The following WWP2 variants were observed in gnomAD, a reference collection of about 807,000 sequenced individuals.
The protein encoded by WWP2 is NEDD4-like E3 ubiquitin-protein ligase WWP2.
A neutral mutation model predicts 121.0 loss-of-function variants in WWP2; 57 were observed. The ratio of observed to expected loss-of-function variants is 0.47; its 90% CI spans 0.38 to 0.59. The LOEUF (loss-of-function observed/expected upper bound fraction) is 0.59. Among genes scored for constraint, WWP2 ranks in the 20% least tolerant of loss-of-function variants. The probability of loss-of-function intolerance (pLI) is 0.00; values close to 1 mark genes in which losing one functional copy is unlikely to be tolerated. For missense variants in WWP2, 962 were observed against 1,158.9 expected, an observed-to-expected ratio of 0.83 and a Z score of 2.47; for synonymous variants, 449 against 441.3, an observed-to-expected ratio of 1.02 and a Z score of -0.22.
At chr16:69,896,414 C>T (rs1338877272) in intron 8 of WWP2, among the ~76,000 whole-genome samples, 1 of 152,120 alleles carries the variant, frequency 6.6e-6, no homozygotes, top group Non-Finnish European at 1.5e-5. Flanking sequence ...AACCACCGTG[C>T]CCATCCTTAC....
At position 69,807,179 on chromosome 16, in the gene WWP2, G is replaced by A. The variant is rs534387553; in HGVS notation, c.340+7884G>A. Among the ~76,000 whole-genome samples, 6 of 151,872 alleles carry A rather than the reference G, an allele frequency of 4.0e-5. No homozygotes were observed. The South Asian group carries it at 1.0e-3, about 26-fold the overall frequency. ...AAATAGCTGGTAGCTGGGGTTACAG[G>A]CACACGTCACCATGCCCGGCTAATT... On this transcript the variant is annotated intron_variant, in intron 4 of 23. Coordinates refer to ENST00000359154, the MANE Select transcript of WWP2 (RefSeq NM_001270454.2).
intron 7 of WWP2, among the ~76,000 whole-genome samples, chr16:69,872,762 G>C (rs2057664282): frequency 6.6e-6 from 1 of 152,230 alleles, no homozygotes; most frequent in Non-Finnish European, 1.5e-5. Context: ...CCCCATTTGA[G>C]AGGAGACAGT....
At chr16:69,869,247 C>T (rs2057586436) in intron 6 of WWP2, among the ~76,000 whole-genome samples, 2 of 152,076 alleles carry the variant, frequency 1.3e-5, no homozygotes, top group South Asian at 4.2e-4. Context: ...AAAGAGAGTC[C>T]ACATTGAGTA....
intron 7 of WWP2, among the ~76,000 whole-genome samples, chr16:69,881,588 T>G (rs1168428128): frequency 6.6e-6 from 1 of 152,246 alleles, no homozygotes; most frequent in African/African-American, 2.4e-5. Flanking sequence ...GATAGTATTA[T>G]TAAGGGAAAC....
intron 4 of WWP2, among the ~76,000 whole-genome samples, chr16:69,821,122 A>G (rs1450784540): frequency 6.6e-6 from 1 of 152,130 alleles, no homozygotes; most frequent in Non-Finnish European, 1.5e-5. Flanking sequence ...AGGCTTTGGG[A>G]TTTCAGGCTG....
chr16:69,898,533 T>C (rs1401416372), intron 8 of WWP2, among the ~76,000 whole-genome samples: 1 of 152,238 alleles, frequency 6.6e-6, no homozygotes, highest in African/African-American at 2.4e-5. Context: ...TGGTACATCT[T>C]TGAGGATTCA....
intron 9 of WWP2, among the ~76,000 whole-genome samples, chr16:69,914,071 CAAAAAAAAA>C (rs34269202): frequency 2.2e-4 from 7 of 32,206 alleles, no homozygotes; most frequent in South Asian, 3.2e-3. Flanking sequence ...GACTCTGTCT[CAAAAAAAAA>C]AAAAAAAAAA....
rs925334891 is a variant in WWP2, at chr16:69,863,565, G to T, written c.576-8239G>T. ...GAGGCAGGAGAATTGCTTGAACCTGGTGGGGGCAGAGGTTGTAGTGAGCCG... is the reference window on the plus strand; with the variant it reads ...GAGGCAGGAGAATTGCTTGAACCTGTTGGGGGCAGAGGTTGTAGTGAGCCG... On this transcript the variant is annotated intron_variant, in intron 6 of 23. Coordinates refer to ENST00000359154, the MANE Select transcript of WWP2 (RefSeq NM_001270454.2). 6.6e-5 allele frequency among the ~76,000 whole-genome samples: 10 copies of T among 152,218 alleles called. No individual in the cohort carries two copies. In the East Asian group the frequency reaches 9.7e-4, roughly 15 times the overall value.
Position 69,939,949 on chromosome 16 carries a change from G to A in WWP2, c.*9G>A, listed in dbSNP as rs767373799. The A allele has an allele frequency of 1.1e-5, 18 of 1,609,758 alleles. No homozygotes were observed. The highest frequency in any genetic ancestry group is 4.5e-5 in the East Asian group (2 of 44,822). ...GCTTTGGACAGGAGTAACCGAGGCC[G>A]CCCCTCCCACGCCCCCCAGCGCACA... On this transcript the variant is annotated 3_prime_UTR_variant, in exon 24 of 24. Transcript: ENST00000359154.
intron 4 of WWP2, among the ~76,000 whole-genome samples, chr16:69,832,545 T>C (rs1021506563): frequency 6.6e-6 from 1 of 152,184 alleles, no homozygotes; most frequent in African/African-American, 2.4e-5. Context: ...TTTTAAAAAA[T>C]TTTTAATGTT....
At chr16:69,932,793 C>T (rs903338205) in intron 16 of WWP2, among the ~76,000 whole-genome samples, 2 of 152,234 alleles carry the variant, frequency 1.3e-5, no homozygotes, top group African/African-American at 4.8e-5. Context: ...CACCCTGGTC[C>T]ACCCATAAAA....
intron 1 of WWP2, among the ~76,000 whole-genome samples, chr16:69,769,101 G>T (rs1186613887): frequency 1.3e-5 from 2 of 152,142 alleles, no homozygotes; most frequent in East Asian, 3.9e-4. Flanking sequence ...GGTGGATCAT[G>T]AGGTCAGGAG....
intron 17 of WWP2, 79 bp downstream of exon 17, chr16:69,934,208 C>A: frequency 2.6e-6 from 4 of 1,538,024 alleles, no homozygotes; most frequent in Non-Finnish European, 2.7e-6. Context: ...GTGCCAGGGG[C>A]ACCAGGGGAA....
At chr16:69,849,544 A>C (rs193107126) in intron 6 of WWP2, among the ~76,000 whole-genome samples, 3 of 152,078 alleles carry the variant, frequency 2.0e-5, no homozygotes, top group East Asian at 3.9e-4. Flanking sequence ...TCCCTGCTCA[A>C]AGTCCCTGCT....
intron 9 of WWP2, among the ~76,000 whole-genome samples, chr16:69,912,955 A>T (rs56226752): frequency 2.8e-3 from 23 of 8,270 alleles, no homozygotes; most frequent in African/African-American, 4.8e-3. Flanking sequence ...AAAAAAAAAA[A>T]ATATATATAT....
At chr16:69,766,091 T>G (rs1269431191) in intron 1 of WWP2, among the ~76,000 whole-genome samples, 2 of 152,114 alleles carry the variant, frequency 1.3e-5, no homozygotes, top group East Asian at 1.9e-4. Flanking sequence ...TCAGGCATTT[T>G]ATAATCAACA....
chr16:69,798,570 G>T, intron 2 of WWP2, 112 bp from the exon 3 acceptor site: 17 of 1,241,044 alleles, frequency 1.4e-5, no homozygotes, highest in East Asian at 2.6e-5. Context: ...AAAACAAAAT[G>T]TATTGATTTA....
intron 9 of WWP2, among the ~76,000 whole-genome samples, chr16:69,916,476 G>A (rs2058481080): frequency 6.6e-6 from 1 of 152,200 alleles, no homozygotes; most frequent in African/African-American, 2.4e-5. Flanking sequence ...GGGTTACTCT[G>A]ATGGCTATTT....
intron 4 of WWP2, among the ~76,000 whole-genome samples, chr16:69,829,586 G>C (rs1180469157): frequency 6.6e-6 from 1 of 152,076 alleles, no homozygotes; most frequent in Non-Finnish European, 1.5e-5. Flanking sequence ...GCCCTACCCT[G>C]CTAGCTGTCT....
Sources: gnomAD v4.1 joint callset for allele counts (sites outside exome capture counted in the v4.1 genomes callset) on GRCh38, gnomAD v4.1.1 for gene constraint, MANE v1.5 for transcripts, NCBI Gene and HGNC (gene_info 2026-07-23, HGNC 2026-07-21) for gene names.